MITF: variants seen among roughly 807,000 people sequenced by gnomAD.
MITF encodes the protein melanocyte inducing transcription factor.
A neutral mutation model predicts 60.5 loss-of-function variants in MITF; 17 were observed. The ratio of observed to expected loss-of-function variants is 0.28; its 90% CI spans 0.19 to 0.42. The LOEUF is 0.42. MITF is among the 10% of genes least tolerant of loss of function. The probability of loss-of-function intolerance (pLI) is 1.00; values close to 1 mark genes in which losing one functional copy is unlikely to be tolerated. For synonymous variants in MITF, 260 were observed against 248.5 expected (o/e 1.05, Z -0.43); for missense variants, 622 against 683.5 (o/e 0.91, Z 1.00).
At chr3:69,747,735 A>C (rs1333057995) in intron 1 of MITF, among the ~76,000 whole-genome samples, 5 of 152,222 alleles carry the variant, frequency 3.3e-5, no homozygotes, top group Non-Finnish European at 5.9e-5. Flanking sequence ...CCTGGACTAA[A>C]AGAGGAGATG....
chr3:69,800,458 C>T (rs540649097), intron 1 of MITF, among the ~76,000 whole-genome samples: 5 of 152,220 alleles, frequency 3.3e-5, no homozygotes, highest in South Asian at 4.1e-4. Flanking sequence ...TACCTAAGAG[C>T]GGAATGGCTG....
chr3:69,958,936 G>A (rs1228416926), intron 8 of MITF, among the ~76,000 whole-genome samples: 4 of 143,176 alleles, frequency 2.8e-5, no homozygotes, highest in African/African-American at 7.8e-5. Flanking sequence ...TATAATTAAT[G>A]TATGATTATT....
chr3:69,783,690 C>T (rs1464837098), intron 1 of MITF, among the ~76,000 whole-genome samples: 1 of 151,882 alleles, frequency 6.6e-6, no homozygotes, highest in Non-Finnish European at 1.5e-5. Flanking sequence ...TTTAAATTAT[C>T]CAGAATATGT....
chr3:69,841,419 A>T (rs1039072711), intron 1 of MITF, among the ~76,000 whole-genome samples: 5 of 152,242 alleles, frequency 3.3e-5, no homozygotes, highest in South Asian at 2.1e-4. Context: ...CAATTCTTGA[A>T]GCTGTAATTT....
intron 1 of MITF, chr3:69,752,159 A>G: frequency 6.6e-6 from 1 of 152,204 alleles, no homozygotes; most frequent in East Asian, 1.9e-4. Context: ...TCTTTTCTTT[A>G]TAAGTTACCC....
chr3:69,810,337 T>C (rs1477863955), intron 1 of MITF, among the ~76,000 whole-genome samples: 2 of 152,146 alleles, frequency 1.3e-5, no homozygotes, highest in Non-Finnish European at 2.9e-5. Flanking sequence ...TAATTTTTTT[T>C]CCATTCATTT....
rs74409256 is a variant in MITF at position 69,943,694 on chromosome 3, T to C, written c.762+2363T>C. ...CAATATCCCTCACAGTAAATAACTCTGTAAATTGCAGCATGGGTCCCAGTT... is the reference window on the plus strand; with the variant it reads ...CAATATCCCTCACAGTAAATAACTCCGTAAATTGCAGCATGGGTCCCAGTT... On this transcript the variant is annotated intron_variant, in intron 5 of 9. Transcript: ENST00000352241. Among the ~76,000 whole-genome samples the C allele has an allele frequency of 7.9e-5, 12 of 152,284 alleles. No individual in the cohort carries two copies. The East Asian group carries it at 2.1e-3, about 27-fold the overall frequency.
At chr3:69,888,047 CG>C (rs1239630663) in intron 2 of MITF, among the ~76,000 whole-genome samples, 1 of 151,926 alleles carries the variant, frequency 6.6e-6, no homozygotes. Flanking sequence ...ATCACCCGGT[CG>C]GGAAGTAATT....
chr3:69,739,622 C>G lies in MITF; in HGVS notation c.25C>G (p.Pro9Ala), dbSNP rs979674711. Residue 9 changes from proline (P) to alanine (A), a missense_variant, in exon 1 of 10, where the codon CCG becomes GCG. Coordinates refer to ENST00000352241, the MANE Select transcript of MITF (RefSeq NM_001354604.2). ...CATGCAGTCCGAATCGGGGATCGTG[C>G]CGGATTTCGAAGTCGGGGAGGAGTT... Reference protein sequence around the residue: MQSESGIVPDFEVGEEFHE... With the variant: MQSESGIVADFEVGEEFHE... The G allele has an allele frequency of 1.3e-6, 2 of 1,580,902 alleles. No individual in the cohort carries two copies. Among genetic ancestry groups the G allele is most frequent in the African/African-American group, 2.7e-5 (2 of 74,526 alleles).
intron 2 of MITF, among the ~76,000 whole-genome samples, chr3:69,884,698 T>C (rs2064570306): frequency 6.6e-6 from 1 of 152,192 alleles, no homozygotes; most frequent in Non-Finnish European, 1.5e-5. Context: ...ACAGGCTCAG[T>C]AGTGCAAGAA....
chr3:69,811,334 GA>G (rs1374732767), intron 1 of MITF, among the ~76,000 whole-genome samples: 1 of 152,178 alleles, frequency 6.6e-6, no homozygotes, highest in Non-Finnish European at 1.5e-5. Context: ...GGACAAGTTT[GA>G]TGATAGGTTT....
intron 2 of MITF, among the ~76,000 whole-genome samples, chr3:69,889,872 A>G (rs2064718641): frequency 6.6e-6 from 1 of 152,136 alleles, no homozygotes; most frequent in Non-Finnish European, 1.5e-5. Context: ...AACAAGCCAC[A>G]TTTCCAGTGC....
At position 69,780,661 on chromosome 3, in the gene MITF, G is replaced by A. The variant is rs139074352; in HGVS notation, c.104+40960G>A. Among the ~76,000 whole-genome samples the A allele has an allele frequency of 3.6e-4, 55 of 152,184 alleles. 1 individual carries two copies. The highest frequency in any genetic ancestry group is 1.3e-3 in the African/African-American group (52 of 41,532). On this transcript the variant is annotated intron_variant, in intron 1 of 9. Coordinates refer to ENST00000352241, the MANE Select transcript of MITF (RefSeq NM_001354604.2). ...GATGGCTATAACTTTCTCTTTCTCC[G>A]TTGGTTTCAGGACCTCTTGTGGCCT...
intron 1 of MITF, among the ~76,000 whole-genome samples, chr3:69,755,882 C>T (rs981704249): frequency 6.6e-6 from 1 of 152,190 alleles, no homozygotes; most frequent in Non-Finnish European, 1.5e-5. Context: ...TCCTCCTGTA[C>T]TATGATTATT....
chr3:69,756,155 G>T (rs908889217), intron 1 of MITF, among the ~76,000 whole-genome samples: 16 of 151,912 alleles, frequency 1.1e-4, no homozygotes, highest in Non-Finnish European at 1.5e-4. Context: ...TAGGATACAT[G>T]TGCAGAATGT....
At chr3:69,800,240 A>G (rs1476114807) in intron 1 of MITF, among the ~76,000 whole-genome samples, 1 of 152,148 alleles carries the variant, frequency 6.6e-6, no homozygotes, top group East Asian at 1.9e-4. Flanking sequence ...TTCACTTAGC[A>G]TATTTTCAAG....
intron 2 of MITF, among the ~76,000 whole-genome samples, chr3:69,890,385 C>T (rs1040565868): frequency 3.9e-5 from 6 of 152,154 alleles, no homozygotes; most frequent in African/African-American, 1.4e-4. Flanking sequence ...CTACACATAT[C>T]ACACTTACAT....
At chr3:69,813,864 G>A (rs1198519189) in intron 1 of MITF, among the ~76,000 whole-genome samples, 4 of 152,176 alleles carry the variant, frequency 2.6e-5, no homozygotes, top group Non-Finnish European at 5.9e-5. Flanking sequence ...ATGAAAGATT[G>A]CGAATCCATT....
At chr3:69,957,512 G>T (rs1447688332) in intron 8 of MITF, among the ~76,000 whole-genome samples, 1 of 152,124 alleles carries the variant, frequency 6.6e-6, no homozygotes, top group Non-Finnish European at 1.5e-5. Flanking sequence ...GCTTTCCCAG[G>T]TTTCAAGGAA....
Sources: allele counts gnomAD v4.1 joint callset (sites outside exome capture counted in the v4.1 genomes callset), GRCh38; gene constraint gnomAD v4.1.1; transcripts MANE v1.5; gene names NCBI Gene and HGNC (gene_info 2026-07-23, HGNC 2026-07-21).